STK33: variants seen among roughly 807,000 people sequenced by gnomAD.
The protein encoded by STK33 is serine/threonine kinase 33, also known as serine/threonine-protein kinase 33.
STK33 carries 52 observed loss-of-function variants against 58.0 expected under a neutral mutation model. The ratio of observed to expected loss-of-function variants is 0.90; its 90% CI spans 0.72 to 1.13. The LOEUF (loss-of-function observed/expected upper bound fraction) is 1.13, where lower values mean the gene tolerates loss of function less well. STK33 is among the 50% of genes most tolerant of loss of function. The pLI is 0.00. For synonymous variants in STK33, 215 were observed against 200.1 expected (o/e 1.07, Z -0.63); for missense variants, 630 against 604.2 (o/e 1.04, Z -0.45).
At chr11:8,463,447 C>T (rs1947813643) in intron 7 of STK33, among the ~76,000 whole-genome samples, 1 of 152,184 alleles carries the variant, frequency 6.6e-6, no homozygotes, top group Admixed American at 6.5e-5. Context: ...TCGCCTGCTG[C>T]TCATCTCCTG....
chr11:8,446,857 T>TA (rs563005879), intron 11 of STK33, among the ~76,000 whole-genome samples: 4 of 152,122 alleles, frequency 2.6e-5, no homozygotes, highest in South Asian at 4.2e-4. Flanking sequence ...CCTAAAACCA[T>TA]AAAAAACCTA....
intron 11 of STK33, among the ~76,000 whole-genome samples, chr11:8,447,549 C>G (rs1232748776): frequency 6.6e-6 from 1 of 152,118 alleles, no homozygotes; most frequent in African/African-American, 2.4e-5. Context: ...ATGATTATCT[C>G]AATAGATGCA....
chr11:8,372,642 G>A, the STK33 span, among the ~76,000 whole-genome samples: 7,460 of 152,360 alleles, frequency 0.049, 249 homozygotes, highest in Non-Finnish European at 0.07. Flanking sequence ...GTTGAAGGGC[G>A]GCTAGTCCTG....
chr11:8,415,609 A>G (rs993528933), intron 14 of STK33, among the ~76,000 whole-genome samples: 2 of 152,126 alleles, frequency 1.3e-5, no homozygotes, highest in Non-Finnish European at 2.9e-5. Context: ...TACTAAGAGC[A>G]CTGAGATTTG....
Position 8,392,447 on chromosome 11 carries a change from C to A in STK33, c.*63G>T, listed in dbSNP as rs1377006568. 20 of 1,586,578 alleles carry A rather than the reference C, an allele frequency of 1.3e-5. No homozygotes were observed. The highest frequency in any genetic ancestry group is 2.2e-5 in the East Asian group (1 of 44,766). ...TAGGGCTGTCTTCTTCCCCTCCTAC[C>A]CCCTCATCAAAGTGCTAACAAGAGC... On this transcript the variant is annotated 3_prime_UTR_variant, in exon 16 of 16. Transcript: ENST00000687296.
At position 8,493,618 on chromosome 11, in the gene STK33, A is replaced by C. The variant is rs886985426; in HGVS notation, c.-465-13004T>G. Among the ~76,000 whole-genome samples, 3 of 152,214 alleles carry C rather than the reference A, an allele frequency of 2.0e-5. No individual in the cohort carries two copies. The East Asian group carries it at 5.8e-4, about 29-fold the overall frequency. On this transcript the variant is annotated intron_variant, in intron 1 of 15. Transcript: ENST00000687296. ...TTTATGAGGCCAGCATCATCCTGATACCAAAGCCTGGCAGAGACACAACAA... is the reference window on the plus strand; with the variant it reads ...TTTATGAGGCCAGCATCATCCTGATCCCAAAGCCTGGCAGAGACACAACAA...
intron 1 of STK33, among the ~76,000 whole-genome samples, chr11:8,543,008 G>T (rs549056702): frequency 6.6e-6 from 1 of 152,232 alleles, no homozygotes; most frequent in South Asian, 2.1e-4. Flanking sequence ...ACTGCACCCG[G>T]CCTGGTTTTC....
intron 1 of STK33, among the ~76,000 whole-genome samples, chr11:8,529,587 T>C (rs10769912): frequency 6.6e-6 from 1 of 152,034 alleles, no homozygotes; most frequent in Non-Finnish European, 1.5e-5. Flanking sequence ...CTGTTGTTGA[T>C]GTGATTATCT....
intron 1 of STK33, among the ~76,000 whole-genome samples, chr11:8,484,508 G>A (rs1950067847): frequency 6.6e-6 from 1 of 152,158 alleles, no homozygotes; most frequent in Non-Finnish European, 1.5e-5. Context: ...GCTGTAGTGG[G>A]AATGTCTTGA....
chr11:8,526,484 A>G (rs1164585648), intron 1 of STK33, among the ~76,000 whole-genome samples: 1 of 152,150 alleles, frequency 6.6e-6, no homozygotes, highest in Admixed American at 6.5e-5. Context: ...CGCATATCTT[A>G]TAACTCAAAA....
intron 14 of STK33, among the ~76,000 whole-genome samples, chr11:8,431,887 T>A (rs1010769214): frequency 6.6e-6 from 1 of 152,206 alleles, no homozygotes; most frequent in African/African-American, 2.4e-5. Flanking sequence ...TATCTGCCAG[T>A]CAAATTAAAC....
the STK33 span, among the ~76,000 whole-genome samples, chr11:8,348,716 A>C: frequency 6.6e-6 from 1 of 152,132 alleles, no homozygotes; most frequent in African/African-American, 2.4e-5. Flanking sequence ...GTCTCCACTA[A>C]GCCTGATTCT....
chr11:8,388,389 C>T (rs570739439), downstream of STK33, among the ~76,000 whole-genome samples: 124 of 152,320 alleles, frequency 8.1e-4, no homozygotes, highest in African/African-American at 2.8e-3. Context: ...GATGCGGCCT[C>T]GCTTTGAAGA....
intron 1 of STK33, among the ~76,000 whole-genome samples, chr11:8,562,803 C>T (rs753209414): frequency 1.3e-5 from 2 of 152,156 alleles, no homozygotes; most frequent in Non-Finnish European, 2.9e-5. Context: ...TATTAACTAT[C>T]TGCAAGGCAC....
At chr11:8,398,533 C>T (rs1413294068) in intron 15 of STK33, among the ~76,000 whole-genome samples, 1 of 152,154 alleles carries the variant, frequency 6.6e-6, no homozygotes, top group Non-Finnish European at 1.5e-5. Context: ...ACCATCAAGG[C>T]TAGGAAGAAA....
intron 9 of STK33, among the ~76,000 whole-genome samples, chr11:8,455,355 A>T (rs947583719): frequency 2.6e-5 from 4 of 152,118 alleles, no homozygotes; most frequent in Non-Finnish European, 4.4e-5. Context: ...GTAAAATAAA[A>T]AACAAACAAA....
At chr11:8,493,459 C>G (rs769689436) in intron 1 of STK33, among the ~76,000 whole-genome samples, 2 of 152,102 alleles carry the variant, frequency 1.3e-5, no homozygotes, top group Non-Finnish European at 2.9e-5. Context: ...TAATAAACAG[C>G]CTACCAACCA....
At chr11:8,460,379 GAT>G (rs138481585) in intron 8 of STK33, among the ~76,000 whole-genome samples, 3 of 150,948 alleles carry the variant, frequency 2.0e-5, no homozygotes, top group Admixed American at 6.6e-5. Flanking sequence ...GGAATATATA[GAT>G]ATATATATAT....
chr11:8,338,657 G>A, the STK33 span, among the ~76,000 whole-genome samples: 3 of 152,144 alleles, frequency 2.0e-5, no homozygotes, highest in Admixed American at 2.0e-4. Flanking sequence ...GTTGGCCAAA[G>A]GATACCTGAC....
Sources: allele counts gnomAD v4.1 joint callset (sites outside exome capture counted in the v4.1 genomes callset), GRCh38; gene constraint gnomAD v4.1.1; transcripts MANE v1.5; gene names NCBI Gene and HGNC (gene_info 2026-07-23, HGNC 2026-07-21).